Variants in DIXDC1 observed in about 807,000 individuals in gnomAD.
The protein encoded by DIXDC1 is DIX domain containing 1.
Under a neutral mutation model 103.1 loss-of-function variants are expected in DIXDC1, and 64 were observed. The observed-to-expected ratio is 0.62, with a 90% CI of 0.51 to 0.76. The LOEUF (loss-of-function observed/expected upper bound fraction) is 0.76, where lower values mean the gene tolerates loss of function less well. Among genes scored for constraint, DIXDC1 ranks in the 30% least tolerant of loss-of-function variants. The pLI is 0.00. For missense variants in DIXDC1, 759 were observed against 834.2 expected, an observed-to-expected ratio of 0.91 and a Z score of 1.11; for synonymous variants, 266 against 298.5, an observed-to-expected ratio of 0.89 and a Z score of 1.12.
At chr11:111,984,773 A>G (rs1222295410) in intron 7 of DIXDC1, among the ~76,000 whole-genome samples, 2 of 152,232 alleles carry the variant, frequency 1.3e-5, no homozygotes, top group Non-Finnish European at 2.9e-5. Flanking sequence ...GTAAAAATGC[A>G]GAATCAGTAA....
chr11:112,017,001 T>C lies in DIXDC1; in HGVS notation c.1862+205T>C. On this transcript the variant is annotated intron_variant, in intron 18 of 19. Transcript: ENST00000440460. This position sits in a 1 kb window ranked among gnomAD's most constrained non-coding sequence, Gnocchi z 4.0. Reference sequence around the variant, plus strand: ...TTATAAAGGACAAGTCATGATCTACTACTAGATACAGGTACAATAATAGTA... The same window carrying C: ...TTATAAAGGACAAGTCATGATCTACCACTAGATACAGGTACAATAATAGTA... Among the ~76,000 whole-genome samples the C allele has an allele frequency of 6.6e-6, 1 of 152,088 alleles. No homozygotes were observed. Among genetic ancestry groups the C allele is most frequent in the East Asian group, 1.9e-4 (1 of 5,184 alleles).
rs1402352764 is a variant in DIXDC1, at chr11:111,950,426, ATATATATATATATTTTTTTTTTTTTTTT to A, written c.60+12869_60+12896del. Among the ~76,000 whole-genome samples the A allele has an allele frequency of 3.1e-3, 90 of 28,898 alleles. 1 individual carries two copies. The highest frequency in any genetic ancestry group is 7.5e-3 in the African/African-American group (90 of 12,022). 19.0% of individuals were successfully genotyped at this position (28,898 alleles called of 152,430 possible). On this transcript the variant is annotated intron_variant, in intron 1 of 19. Coordinates refer to ENST00000440460, the MANE Select transcript of DIXDC1 (RefSeq NM_001037954.4). ...ACAAAGTAGGTATATATATATATATATATATATATATATTTTTTTTTTTTTTTTTTTTTTTTTTTTTTTTTTGAGACAG... is the reference window on the plus strand; with the variant it reads ...ACAAAGTAGGTATATATATATATATATTTTTTTTTTTTTTTTTTGAGACAG...
At chr11:111,956,030 CTAT>C (rs1420588393) in intron 1 of DIXDC1, among the ~76,000 whole-genome samples, 2 of 132,942 alleles carry the variant, frequency 1.5e-5, no homozygotes, top group Non-Finnish European at 3.2e-5. Flanking sequence ...ACACGGTGGA[CTAT>C]TATTCAGCCT....
At chr11:111,964,516 C>G (rs1484406871) in intron 1 of DIXDC1, 33 bp from the exon 2 acceptor site, 12 of 1,564,538 alleles carry the variant, frequency 7.7e-6, no homozygotes, top group African/African-American at 1.4e-5. Flanking sequence ...TTAATATGCT[C>G]TCTTTCCCTT....
At position 111,980,868 on chromosome 11, in the gene DIXDC1, C is replaced by CA; in HGVS notation, c.769+19_769+20insA. On this transcript the variant is annotated intron_variant, in intron 6 of 19. Coordinates refer to ENST00000440460, the MANE Select transcript of DIXDC1 (RefSeq NM_001037954.4). ...AGAACAGGTACTATCTCTACGCCTG[C>CA]CTGGGCTGGTTCAAGGAACAGTCAG... 6.2e-7 allele frequency: 1 copy of CA among 1,601,766 alleles called. No homozygotes were observed. Among genetic ancestry groups the CA allele is most frequent in the Admixed American group, 1.7e-5 (1 of 59,708 alleles).
At chr11:111,996,365 T>A (rs1555175408) in intron 17 of DIXDC1, 1 of 404,008 alleles carries the variant, frequency 2.5e-6, no homozygotes, top group Non-Finnish European at 4.4e-6. Flanking sequence ...GGCAGGATGC[T>A]GTTGACTCAG....
At chr11:111,937,671 GC>G (rs1566452695) in intron 1 of DIXDC1, 112 bp downstream of exon 1, 3 of 1,139,900 alleles carry the variant, frequency 2.6e-6, no homozygotes, top group Non-Finnish European at 3.8e-6. Flanking sequence ...AGAGCAAATC[GC>G]CCCCAGAACC....
Position 111,995,425 on chromosome 11 carries a change from G to A in DIXDC1, c.1550G>A (p.Arg517Gln), listed in dbSNP as rs1358689948. The change falls in exon 16 of 20, where the codon CGA becomes CAA. Residue 517 changes from arginine (R) to glutamine (Q), a missense_variant. Transcript: ENST00000440460. ...CAGACCAGCGACCTGCAGCTTGTTCGAGATGCTCTCCGCAGCCTGCGCAAC... is the reference window on the plus strand; with the variant it reads ...CAGACCAGCGACCTGCAGCTTGTTCAAGATGCTCTCCGCAGCCTGCGCAAC... Reference protein sequence around the residue: ...NRGTSDLQLVRDALRSLRNSF... With the variant: ...NRGTSDLQLVQDALRSLRNSF... 16 of 1,612,872 alleles carry A rather than the reference G, an allele frequency of 9.9e-6. No individual in the cohort carries two copies. The highest frequency in any genetic ancestry group is 1.7e-5 in the Admixed American group (1 of 60,000).
At chr11:112,001,847 C>T (rs895094079) in intron 17 of DIXDC1, among the ~76,000 whole-genome samples, 1 of 151,240 alleles carries the variant, frequency 6.6e-6, no homozygotes, top group Admixed American at 6.6e-5. Flanking sequence ...GCCTCTGCCT[C>T]CCAGGTTCAA....
intron 17 of DIXDC1, among the ~76,000 whole-genome samples, chr11:112,011,726 C>T (rs2137633185): frequency 6.6e-6 from 1 of 152,108 alleles, no homozygotes; most frequent in Non-Finnish European, 1.5e-5. Flanking sequence ...CACCGCATGT[C>T]CTCACTCATA....
intron 9 of DIXDC1, 65 bp from the exon 10 acceptor site, chr11:111,988,940 A>G: frequency 1.4e-6 from 2 of 1,399,168 alleles, no homozygotes; most frequent in Non-Finnish European, 2.0e-6. Flanking sequence ...TGCCGACAGA[A>G]TGAGGTAATG....
chr11:111,966,278 A>G (rs1403078385), intron 2 of DIXDC1, among the ~76,000 whole-genome samples: 2 of 128,968 alleles, frequency 1.6e-5, no homozygotes, highest in African/African-American at 6.2e-5. Context: ...GCTGGAGTGC[A>G]ATGGCATAAT....
chr11:111,940,591 C>T (rs1966386027), intron 1 of DIXDC1, among the ~76,000 whole-genome samples: 1 of 152,048 alleles, frequency 6.6e-6, no homozygotes, highest in African/African-American at 2.4e-5. Context: ...AGGTTTTGAG[C>T]GACTTGAGAT....
intron 3 of DIXDC1, among the ~76,000 whole-genome samples, chr11:111,970,415 A>G (rs1294593599): frequency 6.6e-6 from 1 of 152,184 alleles, no homozygotes. Flanking sequence ...TATGAACACA[A>G]TCCCACAAAC....
chr11:111,937,130 G>C, upstream of DIXDC1: 1 of 677,342 alleles, frequency 1.5e-6, no homozygotes, highest in African/African-American at 3.0e-5. Context: ...TGCGGCCCGG[G>C]CGGGGGGGGG....
chr11:111,946,959 C>T (rs1966617813), intron 1 of DIXDC1: 1 of 166,596 alleles, frequency 6.0e-6, no homozygotes, highest in Non-Finnish European at 1.3e-5. Context: ...CAGATATTTC[C>T]ATTTTGCTGA....
At chr11:111,937,138 G>GGGGT, upstream of DIXDC1, 1 of 743,512 alleles carries the variant, frequency 1.3e-6, no homozygotes. Flanking sequence ...GGGCGGGGGG[G>GGGGT]GGGTGTGCGC....
At chr11:111,993,046 T>G in intron 12 of DIXDC1, 42 bp downstream of exon 12, 2 of 1,561,314 alleles carry the variant, frequency 1.3e-6, no homozygotes, top group Non-Finnish European at 8.7e-7. Flanking sequence ...CCACTGACTT[T>G]TCATGAACAG....
chr11:111,928,266 G>T (rs587728698), intron 1 of DIXDC1: 1 of 151,576 alleles, frequency 6.6e-6, no homozygotes, highest in Non-Finnish European at 1.5e-5. Context: ...TTAAATGAAG[G>T]TGGCCGGGCG....
Sources: allele counts gnomAD v4.1 joint callset (sites outside exome capture counted in the v4.1 genomes callset), GRCh38; gene constraint gnomAD v4.1.1; non-coding constraint Gnocchi (gnomAD v3.1); transcripts MANE v1.5; gene names NCBI Gene and HGNC (gene_info 2026-07-23, HGNC 2026-07-21).